The following DOP1B variants were observed in gnomAD, a reference collection of about 807,000 sequenced individuals.
The protein encoded by DOP1B is protein DOP1B.
Under a neutral mutation model 233.5 loss-of-function variants are expected in DOP1B, and 174 were observed. The observed-to-expected ratio is 0.75, with a 90% confidence interval of 0.66 to 0.85. The LOEUF (loss-of-function observed/expected upper bound fraction) is 0.85. Among genes scored for constraint, DOP1B ranks in the 40% least tolerant of loss-of-function variants. The pLI is 0.00. For synonymous variants in DOP1B, 1,190 were observed against 1,185.6 expected (o/e 1.00, Z -0.08); for missense variants, 2,652 against 2,846.6 (o/e 0.93, Z 1.56).
intron 27 of DOP1B, among the ~76,000 whole-genome samples, chr21:36,272,549 C>G (rs768073704): frequency 1.1e-4 from 16 of 151,004 alleles, no homozygotes; most frequent in Non-Finnish European, 2.4e-4. Context: ...ACTCAGGAGG[C>G]TGAGGCAGAA....
chr21:36,190,651 G>A (rs1484346090), intron 2 of DOP1B, among the ~76,000 whole-genome samples: 1 of 152,196 alleles, frequency 6.6e-6, no homozygotes, highest in Non-Finnish European at 1.5e-5. Flanking sequence ...ACCTGCCTCG[G>A]CCTCCTAAAG....
intron 4 of DOP1B, among the ~76,000 whole-genome samples, chr21:36,206,471 A>C (rs1375954678): frequency 6.6e-6 from 1 of 151,678 alleles, no homozygotes; most frequent in Non-Finnish European, 1.5e-5. Flanking sequence ...TCAGGGCTGC[A>C]GTGAGCTGTG....
intron 15 of DOP1B, among the ~76,000 whole-genome samples, chr21:36,235,556 T>TC (rs1450803363): frequency 6.7e-6 from 1 of 150,294 alleles, no homozygotes; most frequent in Non-Finnish European, 1.5e-5. Context: ...AAATCCCATG[T>TC]CTAAAAAAAA....
intron 4 of DOP1B, among the ~76,000 whole-genome samples, chr21:36,201,345 C>CT (rs1172730528): frequency 0.039 from 3,260 of 83,150 alleles, 314 homozygotes; most frequent in East Asian, 0.12. Flanking sequence ...CTATTGGATT[C>CT]TTTTTTTTTT....
intron 15 of DOP1B, among the ~76,000 whole-genome samples, chr21:36,236,351 C>T (rs1202977471): frequency 6.6e-6 from 1 of 152,194 alleles, no homozygotes; most frequent in African/African-American, 2.4e-5. Context: ...GAGGCAGGCA[C>T]CTGCCACAGC....
At chr21:36,292,878 T>C (rs552391285) in intron 36 of DOP1B, among the ~76,000 whole-genome samples, 1 of 152,236 alleles carries the variant, frequency 6.6e-6, no homozygotes, top group African/African-American at 2.4e-5. Flanking sequence ...CCTCCCAAAG[T>C]GTTGGGATTA....
chr21:36,200,293 CT>C (rs771674535), intron 3 of DOP1B, 37 bp from the exon 4 acceptor site: 1 of 1,528,158 alleles, frequency 6.5e-7, no homozygotes, highest in African/African-American at 1.4e-5. Context: ...GACTGGGTAT[CT>C]TATTTCTGCC....
chr21:36,214,356 G>A, intron 8 of DOP1B, 86 bp from the exon 9 acceptor site: 3 of 1,414,814 alleles, frequency 2.1e-6, no homozygotes, highest in Non-Finnish European at 9.7e-7. Context: ...TTCTGTCCCA[G>A]AGTATTTAAC....
intron 9 of DOP1B, among the ~76,000 whole-genome samples, chr21:36,217,436 G>T (rs1335915355): frequency 1.3e-5 from 2 of 152,166 alleles, no homozygotes; most frequent in African/African-American, 2.4e-5. Flanking sequence ...TTTACAAATG[G>T]AAAGACTAAG....
At chr21:36,218,342 GC>G (rs1569028181) in intron 9 of DOP1B, among the ~76,000 whole-genome samples, 1 of 152,054 alleles carries the variant, frequency 6.6e-6, no homozygotes, top group African/African-American at 2.4e-5. Flanking sequence ...GACCAACATG[GC>G]AAAACCCCAC....
intron 9 of DOP1B, 27 bp downstream of exon 9, chr21:36,214,583 C>T: frequency 6.3e-7 from 1 of 1,581,910 alleles, no homozygotes; most frequent in African/African-American, 1.3e-5. Context: ...TGCTTCTATC[C>T]TATGCTGAAT....
In DOP1B at chr21:36,169,480, A is replaced by G. The variant is rs543524447; in HGVS notation, c.138+4609A>G. ...TGTGGGGCAGCTTCTTGGTGTGCCA[A>G]CAACTGGTGACCCCTTTGTAGCCTT... On this transcript the variant is annotated intron_variant, in intron 2 of 36. Coordinates refer to ENST00000691173, the MANE Select transcript of DOP1B (RefSeq NM_001320714.2). The G allele has an allele frequency of 5.3e-5, 59 of 1,112,016 alleles. No homozygotes were observed. The African/African-American group carries it at 7.3e-4, about 14-fold the overall frequency. 68.9% of individuals were successfully genotyped at this position (1,112,016 alleles called of 1,614,324 possible).
chr21:36,157,794 A>T (rs2123374246), intron 1 of DOP1B, among the ~76,000 whole-genome samples: 1 of 152,324 alleles, frequency 6.6e-6, no homozygotes, highest in Middle Eastern at 3.4e-3. Context: ...TACTAATAGT[A>T]CATATCTGTT....
At chr21:36,237,123 C>T in intron 15 of DOP1B, 139 bp from the exon 16 acceptor site, 1 of 1,202,470 alleles carries the variant, frequency 8.3e-7, no homozygotes, top group Non-Finnish European at 1.2e-6. Context: ...GGTGATTTGT[C>T]TCTGAGCATG....
intron 4 of DOP1B, among the ~76,000 whole-genome samples, chr21:36,200,853 A>AG (rs1291420774): frequency 5.3e-5 from 8 of 150,844 alleles, no homozygotes; most frequent in African/African-American, 1.7e-4. Flanking sequence ...AAAAAAAAAA[A>AG]GACACGGGGA....
chr21:36,237,143 C>T, intron 15 of DOP1B, 119 bp from the exon 16 acceptor site: 1 of 1,358,676 alleles, frequency 7.4e-7, no homozygotes, highest in South Asian at 1.3e-5. Flanking sequence ...GGAGGATTCT[C>T]ACATGGCAAG....
chr21:36,175,986 C>T (rs1224153576), intron 2 of DOP1B, among the ~76,000 whole-genome samples: 1 of 152,058 alleles, frequency 6.6e-6, no homozygotes, highest in Non-Finnish European at 1.5e-5. Context: ...GGTAGAAGCC[C>T]AGATGGTCTT....
chr21:36,185,990 G>T (rs2066161050), intron 2 of DOP1B, among the ~76,000 whole-genome samples: 1 of 152,146 alleles, frequency 6.6e-6, no homozygotes, highest in Non-Finnish European at 1.5e-5. Flanking sequence ...ATCACTTGAG[G>T]TCAGGAGTTT....
intron 17 of DOP1B, among the ~76,000 whole-genome samples, chr21:36,239,091 G>T (rs558717404): frequency 6.6e-6 from 1 of 152,108 alleles, no homozygotes; most frequent in Admixed American, 6.6e-5. Context: ...TGACAAGAGC[G>T]AAACTCCATC....
Sources: allele counts gnomAD v4.1 joint callset (sites outside exome capture counted in the v4.1 genomes callset), GRCh38; gene constraint gnomAD v4.1.1; transcripts MANE v1.5; gene names NCBI Gene and HGNC (gene_info 2026-07-23, HGNC 2026-07-21).